The following CORIN variants were observed in gnomAD, a reference collection of about 807,000 sequenced individuals.
CORIN encodes the protein atrial natriuretic peptide-converting enzyme.
A neutral mutation model predicts 125.3 loss-of-function variants in CORIN; 117 were observed. The ratio of observed to expected loss-of-function variants is 0.93; its 90% CI spans 0.80 to 1.09. CORIN has a LOEUF of 1.09. Ranked by LOEUF, CORIN falls within the 50% of genes least tolerant of loss-of-function variation. The pLI is 0.00. For synonymous variants in CORIN, 450 were observed against 466.4 expected, an observed-to-expected ratio of 0.96 and a Z score of 0.45; for missense variants, 1,253 against 1,306.7, an observed-to-expected ratio of 0.96 and a Z score of 0.63.
chr4:47,676,474 T>A (rs1446017974), intron 9 of CORIN, among the ~76,000 whole-genome samples: 2 of 152,136 alleles, frequency 1.3e-5, no homozygotes, highest in African/African-American at 2.4e-5. Context: ...ATTAAGGGCA[T>A]CCAAGCACCC....
At chr4:47,600,171 T>C (rs779591173) in intron 21 of CORIN, 43 bp downstream of exon 21, 6 of 1,567,870 alleles carry the variant, frequency 3.8e-6, no homozygotes, top group Non-Finnish European at 5.2e-6. Context: ...CCACTGAAGT[T>C]ATTGTTGAAC....
At chr4:47,739,598 T>C (rs1728292571) in intron 5 of CORIN, among the ~76,000 whole-genome samples, 2 of 151,946 alleles carry the variant, frequency 1.3e-5, no homozygotes, top group African/African-American at 4.8e-5. Flanking sequence ...CTTGAATCCA[T>C]ATGAAGAAAT....
intron 5 of CORIN, among the ~76,000 whole-genome samples, chr4:47,699,362 C>T (rs1175561060): frequency 1.3e-5 from 2 of 152,180 alleles, no homozygotes; most frequent in African/African-American, 4.8e-5. Context: ...GCAGGGCAGG[C>T]ACTACACTAA....
Position 47,697,185 on chromosome 4 carries a change from T to C in CORIN, c.800-4102A>G, listed in dbSNP as rs151177534. 2.6e-4 allele frequency among the ~76,000 whole-genome samples: 39 copies of C among 152,290 alleles called. No individual in the cohort carries two copies. In the East Asian group the frequency reaches 7.1e-3, roughly 28 times the overall value. On this transcript the variant is annotated intron_variant, in intron 5 of 21. Coordinates refer to ENST00000273857, the MANE Select transcript of CORIN (RefSeq NM_006587.4). ...AATCTTTCAGCGGCTGATACAAGAA[T>C]ACTTCTTGGGGAGAGCACTGTATCT... is the stretch of plus-strand genomic sequence containing the variant.
chr4:47,745,777 C>T lies in CORIN; in HGVS notation c.618-1194G>A, dbSNP rs113434637. Among the ~76,000 whole-genome samples, 109 of 152,218 alleles carry T rather than the reference C, an allele frequency of 7.2e-4. 1 individual carries two copies. Among genetic ancestry groups the T allele is most frequent in the African/African-American group, 2.4e-3 (98 of 41,534 alleles). ...CAAAAACATAAGGGGATAGGCCAGC[C>T]GTTGAGATCAAATGAAACTAATAGG... is the stretch of plus-strand genomic sequence containing the variant. On this transcript the variant is annotated intron_variant, in intron 4 of 21. Transcript: ENST00000273857.
chr4:47,835,705 G>A (rs184841899), intron 1 of CORIN, among the ~76,000 whole-genome samples: 159 of 152,330 alleles, frequency 1.0e-3, no homozygotes, highest in African/African-American at 3.5e-3. Context: ...AGCTATGGTG[G>A]AGAATGTGAC....
chr4:47,651,166 T>C (rs1383946877), intron 13 of CORIN, among the ~76,000 whole-genome samples: 1 of 152,262 alleles, frequency 6.6e-6, no homozygotes, highest in African/African-American at 2.4e-5. Flanking sequence ...ATAAGTATTG[T>C]TTTGAGTGGA....
chr4:47,738,003 A>AG (rs1246632238), intron 5 of CORIN, among the ~76,000 whole-genome samples: 1 of 152,166 alleles, frequency 6.6e-6, no homozygotes, highest in Non-Finnish European at 1.5e-5. Flanking sequence ...TTCTAAAAAA[A>AG]AAAATTAATA....
intron 1 of CORIN, among the ~76,000 whole-genome samples, chr4:47,808,790 A>C (rs978758970): frequency 5.9e-5 from 9 of 152,246 alleles, no homozygotes; most frequent in African/African-American, 2.2e-4. Flanking sequence ...ACAGGCCAAC[A>C]AAGTTAGTGG....
chr4:47,654,463 C>T (rs1238094155), intron 12 of CORIN, among the ~76,000 whole-genome samples: 2 of 152,170 alleles, frequency 1.3e-5, no homozygotes, highest in Non-Finnish European at 2.9e-5. Context: ...CAACACCACC[C>T]CTCCCCCATT....
chr4:47,683,636 C>G (rs1725384114), intron 7 of CORIN, 95 bp downstream of exon 7: 1 of 834,542 alleles, frequency 1.2e-6, no homozygotes. Context: ...GTAATTTAAA[C>G]TGCTAATCAT....
chr4:47,615,748 G>A (rs1009228423), intron 19 of CORIN, among the ~76,000 whole-genome samples: 3 of 152,288 alleles, frequency 2.0e-5, no homozygotes, highest in African/African-American at 7.2e-5. Flanking sequence ...CCTTGATCCT[G>A]AACTTCTAGC....
At chr4:47,628,224 G>T (rs1436130560) in intron 16 of CORIN, among the ~76,000 whole-genome samples, 3 of 152,140 alleles carry the variant, frequency 2.0e-5, no homozygotes, top group Admixed American at 1.3e-4. Context: ...AAAAGTCAGT[G>T]AATTTGTTTG....
chr4:47,719,055 G>A (rs1286293957), intron 5 of CORIN, among the ~76,000 whole-genome samples: 1 of 152,140 alleles, frequency 6.6e-6, no homozygotes, highest in Non-Finnish European at 1.5e-5. Context: ...CCAAGCTCTT[G>A]TCTCTGCAGC....
At chr4:47,769,721 G>A (rs192814172) in intron 3 of CORIN, among the ~76,000 whole-genome samples, 77 of 152,118 alleles carry the variant, frequency 5.1e-4, no homozygotes, top group African/African-American at 1.7e-3. Flanking sequence ...ACACATTGAT[G>A]ACCAATTGAT....
At chr4:47,787,393 G>A (rs1277541916) in intron 2 of CORIN, among the ~76,000 whole-genome samples, 1 of 151,930 alleles carries the variant, frequency 6.6e-6, no homozygotes, top group African/African-American at 2.4e-5. Flanking sequence ...AGGACACAAT[G>A]GTGCTTGCCA....
chr4:47,704,819 G>T (rs115188353), intron 5 of CORIN, among the ~76,000 whole-genome samples: 1 of 152,076 alleles, frequency 6.6e-6, no homozygotes, highest in East Asian at 1.9e-4. Context: ...CAGAATACAG[G>T]TGATACTTCT....
In CORIN at chr4:47,736,987, C is replaced by T. The variant is rs2109825329; in HGVS notation, c.799+7415G>A. Among the ~76,000 whole-genome samples, 2 of 152,328 alleles carry T rather than the reference C, an allele frequency of 1.3e-5. 1 individual carries two copies. The highest frequency in any genetic ancestry group is 4.1e-4 in the South Asian group (2 of 4,832). The stretch of plus-strand genomic sequence containing the variant: ...CTTGCAAGGCATTTGCCACAGAGGG[C>T]AGGAGCCTAAAGAACTAAGCAGAAA... On this transcript the variant is annotated intron_variant, in intron 5 of 21. Transcript: ENST00000273857.
At chr4:47,597,394 T>C (rs537677754) in intron 21 of CORIN, among the ~76,000 whole-genome samples, 1 of 151,814 alleles carries the variant, frequency 6.6e-6, no homozygotes, top group Non-Finnish European at 1.5e-5. Flanking sequence ...AAAATTTTGA[T>C]TGTGCTGTAT....
Sources: allele counts gnomAD v4.1 joint callset (sites outside exome capture counted in the v4.1 genomes callset), GRCh38; gene constraint gnomAD v4.1.1; transcripts MANE v1.5; gene names NCBI Gene and HGNC (gene_info 2026-07-23, HGNC 2026-07-21).